ZNF124: variants seen among roughly 807,000 people sequenced by gnomAD.
ZNF124 encodes zinc finger protein 124.
Under a neutral mutation model 26.6 loss-of-function variants are expected in ZNF124, and 25 were observed. That is an observed-to-expected ratio of 0.94 (90% CI 0.68 to 1.31). The LOEUF (loss-of-function observed/expected upper bound fraction) is 1.31, where lower values mean the gene tolerates loss of function less well. Ranked by LOEUF, ZNF124 falls within the 40% of genes most tolerant of loss-of-function variation. The probability of loss-of-function intolerance (pLI) is 0.00; values close to 1 mark genes in which losing one functional copy is unlikely to be tolerated. For synonymous variants in ZNF124, 129 were observed against 133.3 expected, an observed-to-expected ratio of 0.97 and a Z score of 0.22; for missense variants, 444 against 422.2, an observed-to-expected ratio of 1.05 and a Z score of -0.45.
intron 3 of ZNF124, among the ~76,000 whole-genome samples, chr1:247,143,512 C>T (rs1672681802): frequency 6.6e-6 from 1 of 152,136 alleles, no homozygotes; most frequent in Non-Finnish European, 1.5e-5. Context: ...AGGATCGTTT[C>T]TAGATTTATT....
rs1315626621 is a variant in ZNF124, at chr1:247,123,410, T to C, written c.*458A>G. On this transcript the variant is annotated 3_prime_UTR_variant, in exon 4 of 4. Transcript: ENST00000472531. ...TGGGGTTTCACCGTGTTAGCCAGGA[T>C]GGTCTCGATCTCCTGACCTTGTGAT... The C allele has an allele frequency of 3.2e-5, 5 of 154,702 alleles. No individual in the cohort carries two copies. In the East Asian group the frequency reaches 7.6e-4, roughly 23 times the overall value. The allele number at this position is 154,702 out of a possible 1,614,324, so 9.6% of individuals were successfully genotyped here.
At chr1:247,158,002 C>G (rs926687072) in intron 3 of ZNF124, among the ~76,000 whole-genome samples, 8 of 151,496 alleles carry the variant, frequency 5.3e-5, no homozygotes, top group Admixed American at 2.6e-4. Context: ...GTAATCCCAG[C>G]ACTTTGGGAG....
At chr1:247,166,005 T>C (rs575162711) in intron 1 of ZNF124, among the ~76,000 whole-genome samples, 11 of 152,042 alleles carry the variant, frequency 7.2e-5, no homozygotes, top group East Asian at 3.9e-4. Context: ...TAGTGAGACA[T>C]TGTCTCTAAG....
intron 1 of ZNF124, among the ~76,000 whole-genome samples, chr1:247,162,687 A>G (rs78442367): frequency 0.048 from 7,226 of 152,098 alleles, 198 homozygotes; most frequent in Admixed American, 0.055. Flanking sequence ...CCAAAAACAA[A>G]AAAAGACACG....
Position 247,155,933 on chromosome 1 carries a change from C to T in ZNF124, c.*633G>A. The T allele has an allele frequency of 1.1e-6, 1 of 926,354 alleles. No individual in the cohort carries two copies. 57.4% of individuals were successfully genotyped at this position (926,354 alleles called of 1,614,324 possible). A position where few individuals can be genotyped will look rare whatever the true frequency, so the allele number is the denominator to read the frequency against. On this transcript the variant is annotated 3_prime_UTR_variant, in exon 4 of 4. Coordinates refer to ENST00000543802, the MANE Select transcript of ZNF124 (RefSeq NM_001297568.2). ...AGTGAAAATCTATATTCTAGAGACTCTCTTCAAAAATGAGCAACCAATATA... is the reference window on the plus strand; with the variant it reads ...AGTGAAAATCTATATTCTAGAGACTTTCTTCAAAAATGAGCAACCAATATA...
In ZNF124 at chr1:247,156,048, A is replaced by G. The variant is rs1673112547; in HGVS notation, c.*518T>C. ...ATAATTATTTTCCATAAGGTTTTCC[A>G]TAATATTTACATTTACAGGATTTAT... is the stretch of plus-strand genomic sequence containing the variant. On this transcript the variant is annotated 3_prime_UTR_variant, in exon 4 of 4. Transcript: ENST00000543802. 3 of 968,692 alleles carry G rather than the reference A, an allele frequency of 3.1e-6. No homozygotes were observed. Among genetic ancestry groups the G allele is most frequent in the East Asian group, 2.3e-4 (2 of 8,744 alleles). 60.0% of individuals were successfully genotyped at this position (968,692 alleles called of 1,614,324 possible).
At chr1:247,136,754 T>C (rs9803983) in intron 3 of ZNF124, among the ~76,000 whole-genome samples, 46,745 of 151,766 alleles carry the variant, frequency 0.31, 8,109 homozygotes, top group African/African-American at 0.47. Flanking sequence ...TGAGACCAGC[T>C]TGGCCAACAT....
intron 3 of ZNF124, among the ~76,000 whole-genome samples, chr1:247,143,751 T>C (rs940076217): frequency 8.5e-5 from 13 of 152,212 alleles, no homozygotes; most frequent in African/African-American, 2.9e-4. Flanking sequence ...CAAGTATTGA[T>C]AAGATTCGTC....
Position 247,168,480 on chromosome 1 carries a change from G to A in ZNF124, c.30+3368C>T, listed in dbSNP as rs1176070040. The stretch of plus-strand genomic sequence containing the variant: ...CCCAGGCGACGGAAGGTTGTAGTGA[G>A]CCAAGATCGTGCCACTGCACTACAG... On this transcript the variant is annotated intron_variant, in intron 1 of 3. Transcript: ENST00000543802. This position sits in a 1 kb window ranked among gnomAD's most constrained non-coding sequence, Gnocchi z 4.0. Among the ~76,000 whole-genome samples, 1 of 152,252 alleles carries A rather than the reference G, an allele frequency of 6.6e-6. No individual in the cohort carries two copies. The highest frequency in any genetic ancestry group is 1.9e-4 in the East Asian group (1 of 5,196).
intron 3 of ZNF124, among the ~76,000 whole-genome samples, chr1:247,128,774 C>T (rs1027586594): frequency 1.3e-4 from 19 of 149,214 alleles, no homozygotes; most frequent in African/African-American, 4.5e-4. Flanking sequence ...ACAAGGAAAC[C>T]CCGCCCCGCA....
rs1359759144 is a variant in ZNF124, at chr1:247,159,762, C to T, written c.82G>A (p.Ala28Thr). 1.2e-6 allele frequency: 2 copies of T among 1,613,798 alleles called. No individual in the cohort carries two copies. Among genetic ancestry groups the T allele is most frequent in the South Asian group, 2.2e-5 (2 of 91,038 alleles). ...VAVNFTQEEW[A>T]LLDPSQKNLY... is the part of the protein sequence containing the mutation. ...TTCTTCTGGGAAGGATCCAACAAAG[C>T]CCACTCCTCCTGGGTGAAGTTCACA... Residue 28 changes from alanine to threonine, a missense_variant, in exon 2 of 4, where the codon GCT becomes ACT. Coordinates refer to ENST00000543802, the MANE Select transcript of ZNF124 (RefSeq NM_001297568.2).
intron 3 of ZNF124, among the ~76,000 whole-genome samples, chr1:247,134,721 GGACTT>G (rs2103101929): frequency 6.6e-6 from 1 of 152,270 alleles, no homozygotes; most frequent in South Asian, 2.1e-4. Flanking sequence ...AGGATATCCA[GGACTT>G]GAACTCAGCT....
chr1:247,144,177 G>T (rs972856520), intron 3 of ZNF124, among the ~76,000 whole-genome samples: 3 of 152,090 alleles, frequency 2.0e-5, no homozygotes, highest in Non-Finnish European at 4.4e-5. Flanking sequence ...ATCTCCTGAG[G>T]TCTCAGTTGT....
At chr1:247,143,995 C>G (rs531892273) in intron 3 of ZNF124, among the ~76,000 whole-genome samples, 1 of 152,164 alleles carries the variant, frequency 6.6e-6, no homozygotes, top group Admixed American at 6.5e-5. Context: ...CCCAAAGGAC[C>G]GTGAAGGGTG....
downstream of ZNF124, among the ~76,000 whole-genome samples, chr1:247,151,080 TA>T (rs1455871731): frequency 6.6e-6 from 1 of 152,044 alleles, no homozygotes; most frequent in Non-Finnish European, 1.5e-5. Flanking sequence ...ATTCAATAAC[TA>T]AAAAGTGTGC....
intron 3 of ZNF124, among the ~76,000 whole-genome samples, chr1:247,145,924 A>G (rs1342086726): frequency 2.0e-5 from 3 of 152,210 alleles, no homozygotes; most frequent in African/African-American, 7.2e-5. Context: ...CGCCCGGCCA[A>G]AGACTTGTAA....
At chr1:247,167,965 A>G (rs1199944592) in intron 1 of ZNF124, among the ~76,000 whole-genome samples, 1 of 152,218 alleles carries the variant, frequency 6.6e-6, no homozygotes, top group Non-Finnish European at 1.5e-5. Context: ...CAACATCACT[A>G]TCAGGGAAAT....
At chr1:247,167,781 A>G (rs567813292) in intron 1 of ZNF124, among the ~76,000 whole-genome samples, 1 of 152,348 alleles carries the variant, frequency 6.6e-6, no homozygotes, top group African/African-American at 2.4e-5. Context: ...TAAACAGACA[A>G]CCCACAGAGT....
chr1:247,133,945 G>A (rs1038320430), intron 3 of ZNF124, among the ~76,000 whole-genome samples: 8 of 152,062 alleles, frequency 5.3e-5, no homozygotes, highest in Middle Eastern at 3.2e-3. Flanking sequence ...GAGCCACGGC[G>A]CCCAGCCTCA....
Sources: allele counts gnomAD v4.1 joint callset (sites outside exome capture counted in the v4.1 genomes callset), GRCh38; gene constraint gnomAD v4.1.1; non-coding constraint Gnocchi (gnomAD v3.1); transcripts MANE v1.5; gene names NCBI Gene and HGNC (gene_info 2026-07-23, HGNC 2026-07-21).